The following SATB2 variants were observed in gnomAD, a reference collection of about 807,000 sequenced individuals.
SATB2 encodes DNA-binding protein SATB2.
In SATB2, 1 loss-of-function variant was observed where a neutral mutation model predicts 73.4. The ratio of observed to expected loss-of-function variants is 0.01; its 90% CI spans 0.00 to 0.06. The LOEUF (loss-of-function observed/expected upper bound fraction) is 0.06, where lower values mean the gene tolerates loss of function less well. Among genes scored for constraint, SATB2 ranks in the 10% least tolerant of loss-of-function variants. The pLI is 1.00. For synonymous variants in SATB2, 397 were observed against 367.0 expected (o/e 1.08, Z -0.93); for missense variants, 459 against 945.8 (o/e 0.49, Z 6.75).
rs780156459 is a variant in SATB2, at chr2:199,380,321, A to G, written c.597+43T>C. ...GAACCCCCTGATAGAGAGTCTACCA[A>G]TGGCTTCTTCTGTTTCCCAGACCCC... On this transcript the variant is annotated intron_variant, in intron 5 of 10. Coordinates refer to ENST00000417098, the MANE Select transcript of SATB2 (RefSeq NM_001172509.2). 2.5e-6 allele frequency: 4 copies of G among 1,613,284 alleles called. No homozygotes were observed. The African/African-American group carries it at 4.0e-5, about 16-fold the overall frequency.
intron 9 of SATB2, among the ~76,000 whole-genome samples, chr2:199,309,512 G>A (rs755906277): frequency 5.9e-5 from 9 of 152,150 alleles, no homozygotes; most frequent in Non-Finnish European, 7.4e-5. Context: ...TGAATACCTC[G>A]GGCTCTAGGC....
At chr2:199,443,841 A>T (rs1691890509) in intron 2 of SATB2, among the ~76,000 whole-genome samples, 1 of 152,200 alleles carries the variant, frequency 6.6e-6, no homozygotes. Flanking sequence ...AGCAAGAGGG[A>T]GAAAGAGCAA....
intron 3 of SATB2, among the ~76,000 whole-genome samples, chr2:199,390,725 A>G (rs1690104508): frequency 1.3e-5 from 2 of 152,156 alleles, no homozygotes; most frequent in Non-Finnish European, 2.9e-5. Flanking sequence ...TCACATCCTC[A>G]TTAATTATGT....
At chr2:199,391,776 A>ATTAT (rs1228816011) in intron 3 of SATB2, among the ~76,000 whole-genome samples, 2 of 152,236 alleles carry the variant, frequency 1.3e-5, no homozygotes, top group African/African-American at 4.8e-5. Context: ...ATACATGGTG[A>ATTAT]TAAATAATGA....
intron 6 of SATB2, among the ~76,000 whole-genome samples, chr2:199,351,020 C>G (rs1221839737): frequency 7.5e-6 from 1 of 134,060 alleles, no homozygotes; most frequent in Admixed American, 8.0e-5. Context: ...ACGAGCGAGA[C>G]TCTGTCTCCA....
chr2:199,443,007 G>A (rs1691865307), intron 2 of SATB2, among the ~76,000 whole-genome samples: 1 of 147,196 alleles, frequency 6.8e-6, no homozygotes, highest in African/African-American at 2.5e-5. Flanking sequence ...ATTTCATTCT[G>A]GAGGTTTCTG....
chr2:199,431,062 T>C (rs969122716), intron 3 of SATB2, among the ~76,000 whole-genome samples: 10 of 152,290 alleles, frequency 6.6e-5, no homozygotes, highest in Non-Finnish European at 7.4e-5. Flanking sequence ...CAAGTCCTCA[T>C]CTTGGAGGAA....
intron 2 of SATB2, among the ~76,000 whole-genome samples, chr2:199,433,845 T>G (rs914741310): frequency 1.3e-5 from 2 of 152,190 alleles, no homozygotes; most frequent in African/African-American, 4.8e-5. Flanking sequence ...CTATCAGCAC[T>G]AGTATTTTCA....
At position 199,457,518 on chromosome 2, in the gene SATB2, T is replaced by G. The variant is rs1692320908; in HGVS notation, c.-239A>C. 1 of 152,370 alleles carries G rather than the reference T, an allele frequency of 6.6e-6. No individual in the cohort carries two copies. The highest frequency in any genetic ancestry group is 1.9e-4 in the East Asian group (1 of 5,134). 9.4% of individuals were successfully genotyped at this position (152,370 alleles called of 1,614,324 possible). On this transcript the variant is annotated 5_prime_UTR_variant, in exon 1 of 11. Coordinates refer to ENST00000417098, the MANE Select transcript of SATB2 (RefSeq NM_001172509.2). This position sits in a 1 kb window ranked among gnomAD's most constrained non-coding sequence, Gnocchi z 4.8. ...GTTTAAGGTCCTGGGTCAGGGTGTC[T>G]TCTTCTGGTGCGGAGATGGTTGTTA...
At chr2:199,289,771 T>A (rs1048942621) in intron 10 of SATB2, among the ~76,000 whole-genome samples, 1 of 152,032 alleles carries the variant, frequency 6.6e-6, no homozygotes, top group Non-Finnish European at 1.5e-5. Flanking sequence ...CATCTGAGAG[T>A]TCTCACTGAC....
chr2:199,289,499 A>G (rs1692787769), intron 10 of SATB2, among the ~76,000 whole-genome samples: 1 of 152,182 alleles, frequency 6.6e-6, no homozygotes, highest in Non-Finnish European at 1.5e-5. Flanking sequence ...TCAGATTCAC[A>G]AAACAAGTCC....
intron 7 of SATB2, among the ~76,000 whole-genome samples, chr2:199,340,087 C>T (rs1432210072): frequency 6.6e-6 from 1 of 152,160 alleles, no homozygotes; most frequent in Non-Finnish European, 1.5e-5. Flanking sequence ...TAGCAGTTGA[C>T]CTTACTGTCA....
chr2:199,343,803 A>G (rs897916649), intron 7 of SATB2, among the ~76,000 whole-genome samples: 1 of 152,230 alleles, frequency 6.6e-6, no homozygotes, highest in Non-Finnish European at 1.5e-5. Context: ...ATGTTGATTG[A>G]AAGTGAATGT....
upstream of SATB2, among the ~76,000 whole-genome samples, chr2:199,462,139 G>T (rs1308677214): frequency 1.3e-5 from 2 of 152,206 alleles, no homozygotes; most frequent in Non-Finnish European, 2.9e-5. This position sits in a 1 kb window ranked among gnomAD's most constrained non-coding sequence, Gnocchi z 5.9. Flanking sequence ...GTTGCGCCGC[G>T]TTTTCCCTCA....
intron 9 of SATB2, among the ~76,000 whole-genome samples, chr2:199,320,335 TCA>T (rs1687851127): frequency 6.6e-6 from 1 of 152,106 alleles, no homozygotes; most frequent in East Asian, 1.9e-4. Context: ...TCCTCAGAAT[TCA>T]CACACAGAAA....
intron 7 of SATB2, among the ~76,000 whole-genome samples, chr2:199,333,453 A>G (rs1226008334): frequency 6.6e-6 from 1 of 152,212 alleles, no homozygotes; most frequent in Non-Finnish European, 1.5e-5. Context: ...TTAAATATAG[A>G]TAGTACATGG....
At chr2:199,392,434 C>G (rs983059171) in intron 3 of SATB2, among the ~76,000 whole-genome samples, 1 of 151,854 alleles carries the variant, frequency 6.6e-6, no homozygotes, top group Admixed American at 6.6e-5. Flanking sequence ...AAAATAGTTT[C>G]TTGTGTATTA....
chr2:199,360,901 T>C (rs981948539), intron 6 of SATB2, among the ~76,000 whole-genome samples: 2 of 151,866 alleles, frequency 1.3e-5, no homozygotes, highest in Non-Finnish European at 2.9e-5. Flanking sequence ...TCCAATTCCC[T>C]CTCCTCTCCC....
rs1688827523 is a variant in SATB2 at position 199,351,824 on chromosome 2, AT to A, written c.701-2652del. On this transcript the variant is annotated intron_variant, in intron 6 of 10. Transcript: ENST00000417098. ...TAAAGATAAATTCAGATATTAAATTATGTTTTCAGGTTCTTAATAAGGAAAT... is the reference window on the plus strand; with the variant it reads ...TAAAGATAAATTCAGATATTAAATTAGTTTTCAGGTTCTTAATAAGGAAAT... Among the ~76,000 whole-genome samples, 3 of 152,298 alleles carry A rather than the reference AT, an allele frequency of 2.0e-5. No homozygotes were observed. In the South Asian group the frequency reaches 6.2e-4, roughly 32 times the overall value.
Sources: gnomAD v4.1 joint callset for allele counts (sites outside exome capture counted in the v4.1 genomes callset) on GRCh38, gnomAD v4.1.1 for gene constraint, Gnocchi (gnomAD v3.1) non-coding constraint, MANE v1.5 for transcripts, NCBI Gene and HGNC (gene_info 2026-07-23, HGNC 2026-07-21) for gene names.